Variants in TRAPPC8 observed in about 807,000 individuals in gnomAD.
TRAPPC8 encodes general sporulation gene 1 homolog.
TRAPPC8 carries 54 observed loss-of-function variants against 174.3 expected under a neutral mutation model. The observed-to-expected ratio is 0.31, with a 90% CI of 0.25 to 0.39. TRAPPC8 has a LOEUF of 0.39. Among genes scored for constraint, TRAPPC8 ranks in the 10% least tolerant of loss-of-function variants. The pLI is 1.00. For missense variants in TRAPPC8, 1,531 were observed against 1,699.1 expected (o/e 0.90, Z 1.74); for synonymous variants, 630 against 579.9 (o/e 1.09, Z -1.24).
chr18:31,847,250 G>C (rs547334503), intron 25 of TRAPPC8, among the ~76,000 whole-genome samples: 1 of 152,194 alleles, frequency 6.6e-6, no homozygotes, highest in Non-Finnish European at 1.5e-5. Context: ...CATAAATCCT[G>C]TAAGTGGAAA....
intron 1 of TRAPPC8, among the ~76,000 whole-genome samples, chr18:31,933,004 A>AC (rs2037916148): frequency 7.1e-6 from 1 of 141,582 alleles, no homozygotes; most frequent in Admixed American, 6.8e-5. Context: ...TCTCAAAAAA[A>AC]AAAAAAAAAA....
chr18:31,896,891 T>C (rs900031560), intron 11 of TRAPPC8, among the ~76,000 whole-genome samples: 1 of 152,174 alleles, frequency 6.6e-6, no homozygotes, highest in Non-Finnish European at 1.5e-5. Context: ...CCCAGAGTGC[T>C]AGGATTACAG....
At chr18:31,856,225 G>A (rs1055500325) in intron 20 of TRAPPC8, among the ~76,000 whole-genome samples, 1 of 152,058 alleles carries the variant, frequency 6.6e-6, no homozygotes, top group African/African-American at 2.4e-5. Context: ...TCCTGCCTCA[G>A]TCTCTGAGTA....
At chr18:31,926,608 G>A (rs928589285) in intron 2 of TRAPPC8, 3 of 152,020 alleles carry the variant, frequency 2.0e-5, no homozygotes, top group Non-Finnish European at 2.9e-5. Context: ...CTGATTTTCT[G>A]TATTTTTAGT....
intron 4 of TRAPPC8, among the ~76,000 whole-genome samples, chr18:31,914,019 CA>C (rs1365198449): frequency 6.6e-6 from 1 of 150,910 alleles, no homozygotes; most frequent in Non-Finnish European, 1.5e-5. Context: ...TAAAATTAAC[CA>C]AAAATGGTGG....
chr18:31,892,353 T>C (rs760572182), intron 11 of TRAPPC8, among the ~76,000 whole-genome samples: 62 of 152,080 alleles, frequency 4.1e-4, no homozygotes, highest in Non-Finnish European at 6.3e-4. Context: ...TTATATGGAG[T>C]ACCTTGCTTT....
rs1263861290 is a variant in TRAPPC8 at position 31,916,415 on chromosome 18, T to G, written c.474A>C (p.Glu158Asp). 1 of 1,612,636 alleles carries G rather than the reference T, an allele frequency of 6.2e-7. No homozygotes were observed. Among genetic ancestry groups the G allele is most frequent in the Non-Finnish European group, 8.5e-7 (1 of 1,179,656 alleles). Residue 158 changes from glutamate (E) to aspartate (D), a missense_variant, in exon 4 of 29, where the codon GAA (glutamate) becomes GAC (aspartate). Coordinates refer to ENST00000283351, the MANE Select transcript of TRAPPC8 (RefSeq NM_014939.5). Reference sequence around the variant, plus strand: ...ACAACTTTGAAAACTGTTCCACAGGTTCAGCTTCACTAGATGACGCTACCA... The same window carrying G: ...ACAACTTTGAAAACTGTTCCACAGGGTCAGCTTCACTAGATGACGCTACCA... ...CMLVASSSEA[E>D]PVEQFSKLSQ...
At chr18:31,920,660 C>T (rs1393080228) in intron 2 of TRAPPC8, among the ~76,000 whole-genome samples, 1 of 151,840 alleles carries the variant, frequency 6.6e-6, no homozygotes, top group Non-Finnish European at 1.5e-5. Flanking sequence ...AAAAAAATGG[C>T]CAGGCACAGT....
chr18:31,908,768 G>C lies in TRAPPC8; in HGVS notation c.1108C>G (p.Gln370Glu), dbSNP rs1429094580. ...TCAAACCTTACCTGATCGTTTAATT[G>C]CCTAATTGTTTTCTCTATATGTGGC... ...LLPHIEKTIR[Q>E]LNDQLISRKG... The change falls in exon 7 of 29, where the codon CAA becomes GAA. Residue 370 changes from glutamine to glutamate, a missense_variant. Coordinates refer to ENST00000283351, the MANE Select transcript of TRAPPC8 (RefSeq NM_014939.5). The C allele has an allele frequency of 6.2e-7, 1 of 1,600,506 alleles. No homozygotes were observed. Among genetic ancestry groups the C allele is most frequent in the Non-Finnish European group, 8.5e-7 (1 of 1,171,512 alleles).
chr18:31,887,595 G>A (rs1036541961), intron 12 of TRAPPC8, among the ~76,000 whole-genome samples: 33 of 148,726 alleles, frequency 2.2e-4, no homozygotes, highest in Non-Finnish European at 3.0e-4. Flanking sequence ...GCAGTGAGCC[G>A]AGATCACGCC....
intron 26 of TRAPPC8, among the ~76,000 whole-genome samples, chr18:31,839,937 T>C (rs777973390): frequency 7.9e-5 from 12 of 152,246 alleles, no homozygotes; most frequent in Admixed American, 7.8e-4. Flanking sequence ...TGCTGCATTG[T>C]ATAGTATAAT....
intron 16 of TRAPPC8, among the ~76,000 whole-genome samples, chr18:31,868,879 T>A (rs1598635339): frequency 6.6e-6 from 1 of 152,042 alleles, no homozygotes; most frequent in East Asian, 1.9e-4. Context: ...ATTTTTAAAT[T>A]TTTGTAGAGA....
chr18:31,912,527 G>C lies in TRAPPC8; in HGVS notation c.771+842C>G, dbSNP rs183153203. 1.1e-4 allele frequency among the ~76,000 whole-genome samples: 17 copies of C among 152,122 alleles called. No homozygotes were observed. The East Asian group carries it at 2.3e-3, about 21-fold the overall frequency. ...AAATTAGCCGGGCATGGTGGTAGGT[G>C]GTGGACGCCTGTAATCCCAGTTACT... On this transcript the variant is annotated intron_variant, in intron 5 of 28. Transcript: ENST00000283351.
At chr18:31,886,154 C>T (rs995062773) in intron 12 of TRAPPC8, among the ~76,000 whole-genome samples, 20 of 151,158 alleles carry the variant, frequency 1.3e-4, no homozygotes, top group African/African-American at 4.4e-4. Flanking sequence ...TACAGGCATG[C>T]GCCACCATGC....
At chr18:31,889,417 T>C (rs979783014) in intron 12 of TRAPPC8, among the ~76,000 whole-genome samples, 1 of 152,122 alleles carries the variant, frequency 6.6e-6, no homozygotes, top group African/African-American at 2.4e-5. Context: ...TGTAGAAAAA[T>C]GACGACTTAT....
intron 1 of TRAPPC8, among the ~76,000 whole-genome samples, chr18:31,938,043 TAATA>T (rs2038179081): frequency 6.6e-6 from 1 of 152,136 alleles, no homozygotes; most frequent in African/African-American, 2.4e-5. Flanking sequence ...CAAAATAAAA[TAATA>T]TATAACCCAC....
chr18:31,875,330 A>C (rs1041389679), intron 12 of TRAPPC8, among the ~76,000 whole-genome samples: 2 of 149,006 alleles, frequency 1.3e-5, no homozygotes, highest in African/African-American at 4.9e-5. Context: ...TAATATATAT[A>C]GTAGTATATA....
At chr18:31,877,651 G>A (rs1221358254) in intron 12 of TRAPPC8, among the ~76,000 whole-genome samples, 21 of 148,158 alleles carry the variant, frequency 1.4e-4, no homozygotes, top group Non-Finnish European at 2.1e-4. Flanking sequence ...GGCCAGGCAC[G>A]GTGGCTCACG....
chr18:31,901,346 G>A (rs2036417337), intron 9 of TRAPPC8, among the ~76,000 whole-genome samples: 3 of 152,156 alleles, frequency 2.0e-5, no homozygotes, highest in Admixed American at 6.5e-5. Context: ...AAAGACTGCA[G>A]TACCTTCAAT....
Sources: allele counts gnomAD v4.1 joint callset (sites outside exome capture counted in the v4.1 genomes callset), GRCh38; gene constraint gnomAD v4.1.1; transcripts MANE v1.5; gene names NCBI Gene and HGNC (gene_info 2026-07-23, HGNC 2026-07-21).